Variants in CTTNBP2 observed in about 807,000 individuals in gnomAD.
CTTNBP2 encodes cortactin-binding protein 2.
A neutral mutation model predicts 156.9 loss-of-function variants in CTTNBP2; 108 were observed. The ratio of observed to expected loss-of-function variants is 0.69; its 90% confidence interval spans 0.59 to 0.81. The LOEUF (loss-of-function observed/expected upper bound fraction) is 0.81. CTTNBP2 is among the 30% of genes least tolerant of loss of function. The probability of loss-of-function intolerance (pLI) is 0.00; values close to 1 mark genes in which losing one functional copy is unlikely to be tolerated. For missense variants in CTTNBP2, 1,924 were observed against 2,035.4 expected, an observed-to-expected ratio of 0.95 and a Z score of 1.05; for synonymous variants, 767 against 751.8, an observed-to-expected ratio of 1.02 and a Z score of -0.33.
intron 3 of CTTNBP2, among the ~76,000 whole-genome samples, chr7:117,798,517 G>A (rs1008782353): frequency 6.6e-6 from 1 of 152,072 alleles, no homozygotes; most frequent in Non-Finnish European, 1.5e-5. Context: ...AAGTAATTTA[G>A]AATATATTTG....
At position 117,757,949 on chromosome 7, in the gene CTTNBP2, C is replaced by T. The variant is rs1270683445; in HGVS notation, c.3194G>A (p.Gly1065Asp). The T allele has an allele frequency of 3.7e-5, 60 of 1,613,226 alleles. No individual in the cohort carries two copies. Among genetic ancestry groups the T allele is most frequent in the Non-Finnish European group, 4.9e-5 (58 of 1,179,716 alleles). Reference protein sequence around the residue: ...ITLGNVPWSVGQSFAQSPWDF... With the variant: ...ITLGNVPWSVDQSFAQSPWDF... The stretch of plus-strand genomic sequence containing the variant: ...CCACGGGGACTGCGCGAAGCTCTGA[C>T]CCACTGACCACGGCACATTTCCTAG... The change falls in exon 11 of 23, where the codon GGT becomes GAT. Residue 1065 changes from glycine (G) to aspartate (D), a missense_variant. By Grantham distance (94) the Gly-to-Asp change is moderately conservative. Transcript: ENST00000160373.
rs114786138 is a variant in CTTNBP2 at position 117,863,175 on chromosome 7, G to A, written c.82-1859C>T. Among the ~76,000 whole-genome samples the A allele has an allele frequency of 5.2e-3, 791 of 152,322 alleles. 7 individuals are homozygous for A. Among genetic ancestry groups the A allele is most frequent in the African/African-American group, 0.017 (703 of 41,566 alleles). On this transcript the variant is annotated intron_variant, in intron 1 of 22. Transcript: ENST00000160373. Reference sequence around the variant, plus strand: ...ACAAAGGGGAAAGAGACTAGAGCTAGGGGGTTCTCTCAAGAAAGGTTTTAA... The same window carrying A: ...ACAAAGGGGAAAGAGACTAGAGCTAAGGGGTTCTCTCAAGAAAGGTTTTAA...
At chr7:117,821,328 GT>G (rs924632813) in intron 2 of CTTNBP2, among the ~76,000 whole-genome samples, 18 of 149,196 alleles carry the variant, frequency 1.2e-4, no homozygotes, top group African/African-American at 2.0e-4. Context: ...TGGCTGTGTG[GT>G]TTTTTTTTTG....
intron 3 of CTTNBP2, among the ~76,000 whole-genome samples, chr7:117,801,584 T>C (rs35705619): frequency 2.0e-5 from 3 of 152,358 alleles, no homozygotes; most frequent in African/African-American, 7.2e-5. Flanking sequence ...GTTTCAATTA[T>C]AAATTTCCTC....
intron 8 of CTTNBP2, 94 bp from the exon 9 acceptor site, chr7:117,767,270 T>A: frequency 2.7e-6 from 2 of 743,782 alleles, no homozygotes; most frequent in Admixed American, 3.8e-5. Context: ...AACAATCACA[T>A]CAAGAATTCA....
intron 12 of CTTNBP2, among the ~76,000 whole-genome samples, chr7:117,748,441 C>A (rs1584939900): frequency 6.6e-6 from 1 of 152,218 alleles, no homozygotes; most frequent in East Asian, 1.9e-4. Flanking sequence ...ATAATGAACA[C>A]CTATAATGCT....
At chr7:117,737,955 C>T (rs557549470) in intron 14 of CTTNBP2, among the ~76,000 whole-genome samples, 5 of 152,250 alleles carry the variant, frequency 3.3e-5, no homozygotes, top group South Asian at 4.1e-4. Context: ...GAAGGGAATA[C>T]GGCGTCAGAT....
intron 7 of CTTNBP2, 103 bp from the exon 8 acceptor site, chr7:117,777,868 G>T (rs759989650): frequency 3.4e-6 from 4 of 1,159,518 alleles, no homozygotes; most frequent in East Asian, 2.4e-5. Context: ...ATGGACCACT[G>T]AGCTGGGAAA....
intron 1 of CTTNBP2, among the ~76,000 whole-genome samples, chr7:117,868,795 G>C (rs1804385870): frequency 6.6e-6 from 1 of 152,170 alleles, no homozygotes; most frequent in Non-Finnish European, 1.5e-5. Context: ...ACAGGCCTGG[G>C]TAGCAAAGTA....
At chr7:117,790,555 A>G (rs1254459843) in intron 4 of CTTNBP2, among the ~76,000 whole-genome samples, 1 of 152,102 alleles carries the variant, frequency 6.6e-6, no homozygotes, top group Non-Finnish European at 1.5e-5. Context: ...AATAAACTAA[A>G]CTTAGAACAG....
At chr7:117,726,621 A>G (rs894751245) in intron 17 of CTTNBP2, among the ~76,000 whole-genome samples, 6 of 152,208 alleles carry the variant, frequency 3.9e-5, no homozygotes, top group Non-Finnish European at 1.5e-5. Flanking sequence ...CTCCTTCAGG[A>G]TCAGAGGGCA....
At chr7:117,717,869 C>T in intron 22 of CTTNBP2, 149 bp downstream of exon 22, 1 of 538,006 alleles carries the variant, frequency 1.9e-6, no homozygotes, top group Non-Finnish European at 3.3e-6. Flanking sequence ...CTTTCTAAAA[C>T]CTAATGAACA....
At chr7:117,747,538 C>G (rs1046472068) in intron 12 of CTTNBP2, among the ~76,000 whole-genome samples, 5 of 152,152 alleles carry the variant, frequency 3.3e-5, no homozygotes, top group African/African-American at 1.2e-4. Flanking sequence ...TTTGGGAGGC[C>G]AAGGTGGGCG....
chr7:117,754,454 C>G (rs966165135), intron 12 of CTTNBP2, among the ~76,000 whole-genome samples: 1 of 152,206 alleles, frequency 6.6e-6, no homozygotes, highest in African/African-American at 2.4e-5. Flanking sequence ...GTGTCTTATA[C>G]ATAGCTCTAT....
chr7:117,809,324 A>T (rs781700760), intron 3 of CTTNBP2, among the ~76,000 whole-genome samples: 1 of 152,232 alleles, frequency 6.6e-6, no homozygotes, highest in Non-Finnish European at 1.5e-5. Flanking sequence ...TATATATTCA[A>T]TGACAACAAA....
intron 3 of CTTNBP2, among the ~76,000 whole-genome samples, chr7:117,794,937 G>T (rs921242088): frequency 1.4e-5 from 2 of 144,758 alleles, no homozygotes; most frequent in Admixed American, 6.9e-5. Flanking sequence ...GCCCAGGCGG[G>T]ACTGCGGACT....
intron 1 of CTTNBP2, among the ~76,000 whole-genome samples, chr7:117,868,789 G>T (rs1015542198): frequency 1.3e-5 from 2 of 152,260 alleles, no homozygotes; most frequent in South Asian, 4.1e-4. Flanking sequence ...ACTCAGACAG[G>T]CCTGGGTAGC....
intron 12 of CTTNBP2, among the ~76,000 whole-genome samples, chr7:117,747,730 G>A (rs1796411672): frequency 6.6e-6 from 1 of 152,160 alleles, no homozygotes; most frequent in African/African-American, 2.4e-5. Flanking sequence ...CCAAGATCAT[G>A]CCACTGCACC....
At chr7:117,768,691 G>T (rs1337796655) in intron 8 of CTTNBP2, among the ~76,000 whole-genome samples, 1 of 151,786 alleles carries the variant, frequency 6.6e-6, no homozygotes, top group Non-Finnish European at 1.5e-5. Flanking sequence ...AGCCCCTTTT[G>T]TACTCCATCT....
Sources: gnomAD v4.1 joint callset for allele counts (sites outside exome capture counted in the v4.1 genomes callset) on GRCh38, gnomAD v4.1.1 for gene constraint, MANE v1.5 for transcripts, NCBI Gene and HGNC (gene_info 2026-07-23, HGNC 2026-07-21) for gene names.